Variants in NBPF12 observed in about 807,000 individuals in gnomAD.
NBPF12 encodes the protein NBPF family member NBPF12.
Under a neutral mutation model 146.4 loss-of-function variants are expected in NBPF12, and 115 were observed. The ratio of observed to expected loss-of-function variants is 0.79; its 90% CI spans 0.68 to 0.92. The LOEUF (loss-of-function observed/expected upper bound fraction) is 0.92, where lower values mean the gene tolerates loss of function less well. NBPF12 is among the 40% of genes least tolerant of loss of function. The pLI, the probability that NBPF12 is intolerant of heterozygous loss-of-function variation, is 0.00. For missense variants in NBPF12, 1,205 were observed against 1,326.8 expected, an observed-to-expected ratio of 0.91 and a Z score of 1.43; for synonymous variants, 385 against 508.9, an observed-to-expected ratio of 0.76 and a Z score of 3.28.
At chr1:146,953,046 T>A (rs1398859311) in intron 2 of NBPF12, among the ~76,000 whole-genome samples, 1 of 151,118 alleles carries the variant, frequency 6.6e-6, no homozygotes, top group African/African-American at 2.4e-5. Context: ...GTAAAGGTCC[T>A]GTGGCGCCTC....
Position 146,961,261 on chromosome 1 carries a change from A to G in NBPF12, c.176-900A>G, listed in dbSNP as rs1347234654. Among the ~76,000 whole-genome samples the G allele has an allele frequency of 8.6e-5, 13 of 151,970 alleles. No homozygotes were observed. In the East Asian group the frequency reaches 2.5e-3, roughly 29 times the overall value. On this transcript the variant is annotated intron_variant, in intron 4 of 33. Coordinates refer to ENST00000617844, the Ensembl canonical transcript of NBPF12. ...CAGGCTCTTGTTCCTAAAGAGGAAG[A>G]AAGATCACACCCGAGAATGTGTGGA...
At chr1:146,953,974 A>C (rs1470976230) in intron 2 of NBPF12, among the ~76,000 whole-genome samples, 1 of 150,196 alleles carries the variant, frequency 6.7e-6, no homozygotes, top group Admixed American at 6.6e-5. Context: ...GTAGTGTTGC[A>C]GAATGTAAGC....
chr1:146,986,175 A>G (rs1276989244), intron 23 of NBPF12, among the ~76,000 whole-genome samples, 177 bp from the exon 27 acceptor site: 3 of 146,968 alleles, frequency 2.0e-5, no homozygotes, highest in African/African-American at 7.5e-5. Flanking sequence ...CTTCTCTTTC[A>G]TTCTTTTCTA....
chr1:146,971,390 C>T (rs1656601181), exon 13 of NBPF12: 1 of 1,609,376 alleles, frequency 6.2e-7, no homozygotes, highest in African/African-American at 1.4e-5. Flanking sequence ...TAAACATTCT[C>T]CCAGGTAGCC....
chr1:146,947,957 A>G (rs1412055550), upstream of NBPF12, among the ~76,000 whole-genome samples: 1 of 151,980 alleles, frequency 6.6e-6, no homozygotes, highest in African/African-American at 2.4e-5. Context: ...AATTGAGATG[A>G]TACATTTTCA....
chr1:146,971,647 A>T (rs1434371401), intron 13 of NBPF12, among the ~76,000 whole-genome samples: 2 of 149,816 alleles, frequency 1.3e-5, no homozygotes, highest in African/African-American at 5.0e-5. Flanking sequence ...AAAATTAGGC[A>T]GTCATGGTGC....
In NBPF12 at chr1:146,970,733, C is replaced by T; in HGVS notation, c.1379+14C>T. On this transcript the variant is annotated intron_variant, in intron 12 of 33. Coordinates refer to ENST00000617844, the Ensembl canonical transcript of NBPF12. Reference sequence around the variant, plus strand: ...ATCTTCCCCCAGGTGACACTGAATACTCAGGAGCAAGTAATGGGTGTTAAC... The same window carrying T: ...ATCTTCCCCCAGGTGACACTGAATATTCAGGAGCAAGTAATGGGTGTTAAC... 2 of 1,339,816 alleles carry T rather than the reference C, an allele frequency of 1.5e-6. No homozygotes were observed. Among genetic ancestry groups the T allele is most frequent in the East Asian group, 2.3e-5 (1 of 43,646 alleles). The allele number at this position is 1,339,816 out of a possible 1,614,324, so 83.0% of individuals were successfully genotyped here. A position where few individuals can be genotyped will look rare whatever the true frequency, so the allele number is the denominator to read the frequency against.
At chr1:146,961,754 C>A (rs1480576725) in intron 4 of NBPF12, among the ~76,000 whole-genome samples, 3 of 151,688 alleles carry the variant, frequency 2.0e-5, no homozygotes, top group South Asian at 2.1e-4. Context: ...AAAAGGGAAA[C>A]CATCAGTCCC....
At chr1:146,971,705 G>A (rs1480049328) in intron 13 of NBPF12, among the ~76,000 whole-genome samples, 3 of 150,484 alleles carry the variant, frequency 2.0e-5, no homozygotes, top group African/African-American at 5.0e-5. Flanking sequence ...TGGGAGGATC[G>A]GCTAACACGA....
At chr1:146,945,022 C>T (rs1461783692), upstream of NBPF12, among the ~76,000 whole-genome samples, 602 of 36,330 alleles carry the variant, frequency 0.017, 16 homozygotes, top group African/African-American at 0.043. Flanking sequence ...CTCCCTCCCT[C>T]CCTTCCTTCC....
chr1:146,969,250 T>G (rs1354703377), intron 10 of NBPF12, 132 bp from the exon 14 acceptor site: 7 of 1,028,022 alleles, frequency 6.8e-6, no homozygotes, highest in Admixed American at 1.9e-5. Context: ...CCACAGTCAT[T>G]CCTTTCAACA....
intron 1 of NBPF12, among the ~76,000 whole-genome samples, chr1:146,942,075 C>T (rs1486390498): frequency 1.3e-5 from 2 of 150,356 alleles, no homozygotes; most frequent in Non-Finnish European, 3.0e-5. Context: ...CCAGGTTGGT[C>T]TCAAACCCTT....
chr1:146,940,710 T>A (rs1454660594), intron 1 of NBPF12, among the ~76,000 whole-genome samples: 3 of 152,094 alleles, frequency 2.0e-5, no homozygotes, highest in Non-Finnish European at 2.9e-5. Flanking sequence ...TACATATGGC[T>A]GAACATTTTC....
chr1:146,943,684 C>T, intron 2 of NBPF12, 122 bp downstream of exon 2: 1 of 606,678 alleles, frequency 1.6e-6, no homozygotes, highest in Non-Finnish European at 2.2e-6. Context: ...TGGCATCAAA[C>T]AGATATTAAA....
chr1:146,965,220 C>G (rs1176758228), intron 8 of NBPF12, 116 bp downstream of exon 11: 2 of 756,930 alleles, frequency 2.6e-6, no homozygotes, highest in Non-Finnish European at 4.7e-6. Context: ...TAGGATGGAG[C>G]TAGGTGCTGT....
In NBPF12 at chr1:146,974,829, C is replaced by T; in HGVS notation, c.1892C>T (p.Ala631Val). 2 of 1,269,834 alleles carry T rather than the reference C, an allele frequency of 1.6e-6. 1 individual carries two copies. The highest frequency in any genetic ancestry group is 2.1e-6 in the Non-Finnish European group (2 of 931,542). The allele number at this position is 1,269,834 out of a possible 1,614,324, so 78.7% of individuals were successfully genotyped here. ...AAGCTTGCAGAGCAGCTGAAGCAAGCTGAGGAGCTCAGGTGAGGGGACCCC... is the reference window on the plus strand; with the variant it reads ...AAGCTTGCAGAGCAGCTGAAGCAAGTTGAGGAGCTCAGGTGAGGGGACCCC... Residue 631 changes from alanine to valine, a missense_variant, in exon 15 of 34, where the codon GCT (alanine) becomes GTT (valine). This residue lies in a region of NBPF12 where 14 missense variants were observed against 68.9 expected (regional missense o/e 0.20). Coordinates refer to ENST00000617844, the Ensembl canonical transcript of NBPF12.
intron 1 of NBPF12, among the ~76,000 whole-genome samples, 183 bp downstream of exon 1, chr1:146,939,195 G>C (rs1422115523): frequency 1.3e-5 from 2 of 152,020 alleles, no homozygotes; most frequent in East Asian, 1.9e-4. Flanking sequence ...CCCTCCTCTC[G>C]TGGGCGCTGG....
At chr1:146,978,686 T>C (rs1159573409) in intron 18 of NBPF12, among the ~76,000 whole-genome samples, 1 of 149,382 alleles carries the variant, frequency 6.7e-6, no homozygotes, top group Non-Finnish European at 1.5e-5. Flanking sequence ...TTTGGAGATT[T>C]TTTTGGGGAA....
chr1:146,974,368 G>A lies in NBPF12; in HGVS notation c.1802-371G>A, dbSNP rs1234142784. ...CATAGTTCTAGGAGCCTTCCTGACT[G>A]TACAAGAAATCACTACTTCATGCCC... On this transcript the variant is annotated intron_variant, in intron 14 of 33. Coordinates refer to ENST00000617844, the Ensembl canonical transcript of NBPF12. Among the ~76,000 whole-genome samples the A allele has an allele frequency of 3.1e-4, 44 of 140,336 alleles. 9 individuals are homozygous for A. Among genetic ancestry groups the A allele is most frequent in the Non-Finnish European group, 3.0e-5 (2 of 65,726 alleles). The allele number at this position is 140,336 out of a possible 152,430, so 92.1% of individuals were successfully genotyped here.
Sources: gnomAD v4.1 joint callset for allele counts (sites outside exome capture counted in the v4.1 genomes callset) on GRCh38, gnomAD v4.1.1 for gene constraint, gnomAD v4.1.1 regional missense constraint, MANE v1.5 for transcripts, NCBI Gene and HGNC (gene_info 2026-07-23, HGNC 2026-07-21) for gene names.